The following DNM3 variants were observed in gnomAD, a reference collection of about 807,000 sequenced individuals.
DNM3 encodes dynamin 3.
Under a neutral mutation model 101.6 loss-of-function variants are expected in DNM3, and 47 were observed. The observed-to-expected ratio is 0.46, with a 90% CI of 0.37 to 0.59. The LOEUF is 0.59. DNM3 is among the 20% of genes least tolerant of loss of function. The pLI is 0.00. For synonymous variants in DNM3, 385 were observed against 387.9 expected, an observed-to-expected ratio of 0.99 and a Z score of 0.09; for missense variants, 849 against 1,085.7, an observed-to-expected ratio of 0.78 and a Z score of 3.06.
intron 12 of DNM3, among the ~76,000 whole-genome samples, chr1:172,085,249 GAA>G (rs112264494): frequency 5.7e-5 from 8 of 140,512 alleles, no homozygotes; most frequent in East Asian, 2.0e-4. Flanking sequence ...CTCTGCTTTA[GAA>G]AAAAAAAAAC....
chr1:172,404,671 T>C (rs1010875258), intron 20 of DNM3, among the ~76,000 whole-genome samples: 7 of 152,092 alleles, frequency 4.6e-5, no homozygotes, highest in African/African-American at 1.4e-4. Context: ...ACATTCCTAC[T>C]TCCAAGTTTT....
chr1:172,261,908 G>T (rs2062669279), intron 15 of DNM3, among the ~76,000 whole-genome samples: 1 of 152,188 alleles, frequency 6.6e-6, no homozygotes, highest in African/African-American at 2.4e-5. Context: ...TGATGCTCAG[G>T]CCCCTGGAAG....
chr1:172,095,948 C>G (rs2054217477), intron 13 of DNM3, among the ~76,000 whole-genome samples: 3 of 152,176 alleles, frequency 2.0e-5, no homozygotes, highest in African/African-American at 7.2e-5. Context: ...TATTCAAAAC[C>G]TATCTGTGTC....
chr1:172,013,452 G>A (rs912039821), intron 4 of DNM3, among the ~76,000 whole-genome samples: 6 of 151,952 alleles, frequency 3.9e-5, no homozygotes, highest in Non-Finnish European at 8.8e-5. Context: ...TTCTTATTCT[G>A]TGTTTGGCAG....
chr1:172,354,882 T>C lies in DNM3; in HGVS notation c.1894-24136T>C, dbSNP rs575148382. On this transcript the variant is annotated intron_variant, in intron 17 of 20. Transcript: ENST00000627582. ...GGAATTGGAACCAAGACCCCTACAG[T>C]AAGCCAGGACACTTAAAAAGCTACA... 2.6e-5 allele frequency among the ~76,000 whole-genome samples: 4 copies of C among 152,216 alleles called. No individual in the cohort carries two copies. The East Asian group carries it at 7.7e-4, about 29-fold the overall frequency.
intron 1 of DNM3, among the ~76,000 whole-genome samples, chr1:171,879,889 C>T (rs886258714): frequency 6.6e-6 from 1 of 152,228 alleles, no homozygotes; most frequent in Admixed American, 6.5e-5. Context: ...CAAGACAAAA[C>T]CTTGGGTGCT....
Position 172,038,498 on chromosome 1 carries a change from A to G in DNM3, c.992+37A>G, listed in dbSNP as rs150678460. 4.4e-4 allele frequency: 698 copies of G among 1,599,256 alleles called. 3 individuals are homozygous for G. The highest frequency in any genetic ancestry group is 2.0e-3 in the Middle Eastern group (12 of 5,972). On this transcript the variant is annotated intron_variant, in intron 7 of 20. Coordinates refer to ENST00000627582, the MANE Select transcript of DNM3 (RefSeq NM_015569.5). ...TTCCCTTCCTTGGCTCAGCATTTTA[A>G]TCTAATTTCTTTAGTTTTCTATTGC...
chr1:172,153,749 C>A (rs1451547762), intron 14 of DNM3, among the ~76,000 whole-genome samples: 2 of 151,876 alleles, frequency 1.3e-5, no homozygotes, highest in Non-Finnish European at 2.9e-5. Flanking sequence ...TGAATTAAAC[C>A]CTAGGTGTGC....
intron 13 of DNM3, among the ~76,000 whole-genome samples, chr1:172,120,777 T>A (rs181269176): frequency 6.6e-6 from 1 of 152,302 alleles, no homozygotes; most frequent in Non-Finnish European, 1.5e-5. Flanking sequence ...AACTTTACAT[T>A]TATCTGTGTG....
Position 172,410,677 on chromosome 1 carries a change from T to C in DNM3, c.*2836T>C, listed in dbSNP as rs180971876. 5.5e-5 allele frequency: 54 copies of C among 985,364 alleles called. No homozygotes were observed. In the African/African-American group the frequency reaches 8.7e-4, roughly 16 times the overall value. 61.0% of individuals were successfully genotyped at this position (985,364 alleles called of 1,614,324 possible). A position where few individuals can be genotyped will look rare whatever the true frequency, so the allele number is the denominator to read the frequency against. ...TTGCTTTTAGCCGTGTTTTATAACA[T>C]AGACGAGCAGTAGGGTCTGTTTATT... On this transcript the variant is annotated 3_prime_UTR_variant, in exon 21 of 21. Coordinates refer to ENST00000627582, the MANE Select transcript of DNM3 (RefSeq NM_015569.5).
chr1:172,125,288 C>A (rs188620688), intron 13 of DNM3, among the ~76,000 whole-genome samples: 2 of 152,262 alleles, frequency 1.3e-5, no homozygotes, highest in Admixed American at 6.5e-5. Context: ...CAAGGTCAAA[C>A]CCCCTGCTCA....
chr1:171,945,967 T>C (rs1317961161), intron 2 of DNM3, among the ~76,000 whole-genome samples: 1 of 152,178 alleles, frequency 6.6e-6, no homozygotes, highest in African/African-American at 2.4e-5. Context: ...CCGACATGGC[T>C]GGATCATAGT....
chr1:172,299,083 G>C (rs2586413), intron 15 of DNM3, among the ~76,000 whole-genome samples: 42,088 of 152,046 alleles, frequency 0.28, 5,906 homozygotes, highest in East Asian at 0.31. Context: ...TCCCAAGATA[G>C]AGTAGGAATT....
At chr1:172,238,965 T>C (rs1310433659) in intron 14 of DNM3, among the ~76,000 whole-genome samples, 1 of 152,212 alleles carries the variant, frequency 6.6e-6, no homozygotes, top group Admixed American at 6.5e-5. Flanking sequence ...TTTCAGTTTC[T>C]TCCAGAACTT....
intron 17 of DNM3, among the ~76,000 whole-genome samples, chr1:172,344,445 A>C (rs2066839777): frequency 6.6e-6 from 1 of 152,200 alleles, no homozygotes; most frequent in African/African-American, 2.4e-5. Context: ...ACCTTCACAA[A>C]TGTGTTAAAA....
intron 1 of DNM3, among the ~76,000 whole-genome samples, chr1:171,899,646 G>A (rs1319897299): frequency 6.6e-6 from 1 of 152,098 alleles, no homozygotes; most frequent in South Asian, 2.1e-4. Flanking sequence ...AGTTACTAAG[G>A]GTTTGTTTAT....
intron 2 of DNM3, among the ~76,000 whole-genome samples, chr1:171,966,933 T>C (rs892308500): frequency 6.6e-5 from 10 of 152,182 alleles, no homozygotes; most frequent in Non-Finnish European, 1.3e-4. Context: ...TGAGTCGTAG[T>C]TTTCTGGGTT....
chr1:171,853,897 T>G (rs2033274944), intron 1 of DNM3, among the ~76,000 whole-genome samples: 1 of 152,236 alleles, frequency 6.6e-6, no homozygotes, highest in African/African-American at 2.4e-5. Flanking sequence ...CAAAACTTTC[T>G]GACCATTCAG....
chr1:172,166,023 CTCTCTTCCGAGATCCCA>C (rs1439712167), intron 14 of DNM3, among the ~76,000 whole-genome samples: 2 of 152,036 alleles, frequency 1.3e-5, no homozygotes, highest in African/African-American at 2.4e-5. Flanking sequence ...CTTAGAGGGT[CTCTCTTCCGAGATCCCA>C]TTGCATCCTG....
Sources: allele counts gnomAD v4.1 joint callset (sites outside exome capture counted in the v4.1 genomes callset), GRCh38; gene constraint gnomAD v4.1.1; transcripts MANE v1.5; gene names NCBI Gene and HGNC (gene_info 2026-07-23, HGNC 2026-07-21).